Variants in ZNF660 observed in about 807,000 individuals in gnomAD.
The protein encoded by ZNF660 is zinc finger protein 660.
A neutral mutation model predicts 23.2 loss-of-function variants in ZNF660; 24 were observed. That is an observed-to-expected ratio of 1.04 (90% CI 0.75 to 1.46). The LOEUF (loss-of-function observed/expected upper bound fraction) is 1.46, where lower values mean the gene tolerates loss of function less well. ZNF660 is among the 40% of genes most tolerant of loss of function. ZNF660 has a pLI of 0.00. For synonymous variants in ZNF660, 117 were observed against 131.4 expected, an observed-to-expected ratio of 0.89 and a Z score of 0.75; for missense variants, 373 against 396.8, an observed-to-expected ratio of 0.94 and a Z score of 0.51.
rs1700632020 is a variant in ZNF660 at position 44,597,062 on chromosome 3, AAT to A, written c.*1876_*1877del. 1 of 152,184 alleles carries A rather than the reference AAT, an allele frequency of 6.6e-6. No individual in the cohort carries two copies. The highest frequency in any genetic ancestry group is 2.1e-4 in the South Asian group (1 of 4,828). 9.4% of individuals were successfully genotyped at this position (152,184 alleles called of 1,614,324 possible). ...AATTAGTGTTTGGGGAATTTTTGAT[AAT>A]ATGTTATTTAGTTCTCCCTCTATTA... On this transcript the variant is annotated 3_prime_UTR_variant, in exon 3 of 3. Transcript: ENST00000322734. The surrounding 1 kb of genome is among the most constrained non-coding windows in gnomAD (Gnocchi z 4.1).
Position 44,595,576 on chromosome 3 carries a change from A to G in ZNF660, c.*387A>G, listed in dbSNP as rs1273046893. The G allele has an allele frequency of 5.6e-6, 1 of 178,994 alleles. No homozygotes were observed. Among genetic ancestry groups the G allele is most frequent in the African/African-American group, 2.4e-5 (1 of 41,644 alleles). The allele number at this position is 178,994 out of a possible 1,614,324, so 11.1% of individuals were successfully genotyped here. A position where few individuals can be genotyped will look rare whatever the true frequency, so the allele number is the denominator to read the frequency against. On this transcript the variant is annotated 3_prime_UTR_variant, in exon 3 of 3. Coordinates refer to ENST00000322734, the MANE Select transcript of ZNF660 (RefSeq NM_173658.4). Reference sequence around the variant, plus strand: ...GAAGTAAACCAAAATGTTAACAGTGATCATCTCTGGGCGATAGGATTATAG... The same window carrying G: ...GAAGTAAACCAAAATGTTAACAGTGGTCATCTCTGGGCGATAGGATTATAG...
chr3:44,587,720 C>T (rs1000144545), intron 2 of ZNF660, among the ~76,000 whole-genome samples: 9 of 152,180 alleles, frequency 5.9e-5, no homozygotes, highest in Non-Finnish European at 1.3e-4. Flanking sequence ...TCTCTTTCTC[C>T]CTACCTGCCC....
chr3:44,589,551 AG>A (rs1369077699), intron 2 of ZNF660, among the ~76,000 whole-genome samples: 1 of 152,182 alleles, frequency 6.6e-6, no homozygotes, highest in Non-Finnish European at 1.5e-5. Flanking sequence ...TATGGGAACT[AG>A]GGGAAGTGCA....
intron 2 of ZNF660, among the ~76,000 whole-genome samples, chr3:44,590,637 G>C (rs1489036921): frequency 1.3e-5 from 2 of 152,192 alleles, no homozygotes; most frequent in Non-Finnish European, 2.9e-5. Flanking sequence ...GTTAGACCCA[G>C]AACAGGGATA....
At chr3:44,592,358 C>G (rs1373404091) in intron 2 of ZNF660, among the ~76,000 whole-genome samples, 3 of 152,158 alleles carry the variant, frequency 2.0e-5, no homozygotes, top group Non-Finnish European at 2.9e-5. Context: ...ATTTAATTGT[C>G]TAACAAAATA....
intron 2 of ZNF660, among the ~76,000 whole-genome samples, chr3:44,590,792 T>A (rs1700397199): frequency 6.6e-6 from 1 of 152,262 alleles, no homozygotes; most frequent in Admixed American, 6.5e-5. Flanking sequence ...TCACTTGCTC[T>A]ACTGCTCTGC....
At chr3:44,589,210 C>T (rs936317370) in intron 2 of ZNF660, among the ~76,000 whole-genome samples, 1 of 152,184 alleles carries the variant, frequency 6.6e-6, no homozygotes, top group Non-Finnish European at 1.5e-5. Flanking sequence ...TTTTAACCCC[C>T]TCTAATCCAT....
At chr3:44,593,477 G>C (rs1057066371) in intron 2 of ZNF660, among the ~76,000 whole-genome samples, 1 of 152,136 alleles carries the variant, frequency 6.6e-6, no homozygotes, top group Admixed American at 6.5e-5. Context: ...ACTTTGGGAG[G>C]CTGAGGCAGG....
In ZNF660 at chr3:44,588,012, G is replaced by A. The variant is rs889677374; in HGVS notation, c.-181+1799G>A. ...AGAGGTTGTAGTGAGCTGAGATCAC[G>A]CCATTGCACTCTAGCCTAGGCAACA... On this transcript the variant is annotated intron_variant, in intron 2 of 2. Coordinates refer to ENST00000322734, the MANE Select transcript of ZNF660 (RefSeq NM_173658.4). Among the ~76,000 whole-genome samples the A allele has an allele frequency of 2.4e-4, 36 of 152,162 alleles. 1 individual carries two copies. The highest frequency in any genetic ancestry group is 2.1e-4 in the South Asian group (1 of 4,826).
At chr3:44,586,070 G>A (rs1480090868) in intron 1 of ZNF660, 35 bp from the exon 2 acceptor site, 1 of 152,148 alleles carries the variant, frequency 6.6e-6, no homozygotes, top group Non-Finnish European at 1.5e-5. Context: ...GGAATTCAGG[G>A]CTCAGAGAAC....
chr3:44,594,791 G>A lies in ZNF660; in HGVS notation c.598G>A (p.Gly200Ser). 6.2e-7 allele frequency: 1 copy of A among 1,613,942 alleles called. No individual in the cohort carries two copies. Among genetic ancestry groups the A allele is most frequent in the Non-Finnish European group, 8.5e-7 (1 of 1,179,976 alleles). ...ATGTAAGGAGTGTGGGAAAACATGTGGTTCTAATACAAAGATTATGGACCA... is the reference window on the plus strand; with the variant it reads ...ATGTAAGGAGTGTGGGAAAACATGTAGTTCTAATACAAAGATTATGGACCA... ...YKCKECGKTC[G>S]SNTKIMDHQR... The change falls in exon 3 of 3, where the codon GGT becomes AGT. Residue 200 changes from glycine to serine, a missense_variant. Coordinates refer to ENST00000322734, the MANE Select transcript of ZNF660 (RefSeq NM_173658.4).
At chr3:44,592,300 TAAATG>T (rs1287171748) in intron 2 of ZNF660, among the ~76,000 whole-genome samples, 8 of 152,158 alleles carry the variant, frequency 5.3e-5, no homozygotes, top group Non-Finnish European at 1.0e-4. Context: ...AACTAAAAAA[TAAATG>T]AAATGAACTG....
intron 2 of ZNF660, among the ~76,000 whole-genome samples, chr3:44,593,660 A>G (rs1440657672): frequency 6.8e-6 from 1 of 146,828 alleles, no homozygotes; most frequent in Admixed American, 6.9e-5. Context: ...GGTTGCAGTG[A>G]GTCAAGATCG....
chr3:44,594,165 G>C lies in ZNF660; in HGVS notation c.-29G>C. 6.2e-7 allele frequency: 1 copy of C among 1,612,062 alleles called. No homozygotes were observed. Among genetic ancestry groups the C allele is most frequent in the Non-Finnish European group, 8.5e-7 (1 of 1,179,362 alleles). On this transcript the variant is annotated 5_prime_UTR_variant, in exon 3 of 3. Transcript: ENST00000322734. The stretch of plus-strand genomic sequence containing the variant: ...CTGAAGGGAAAGAGAAGACTAGAGA[G>C]GACACTGGTATGTTCCAAGCAGGAG...
intron 2 of ZNF660, among the ~76,000 whole-genome samples, chr3:44,590,325 G>A (rs141709105): frequency 3.9e-5 from 6 of 152,030 alleles, no homozygotes; most frequent in Non-Finnish European, 8.8e-5. Flanking sequence ...TTTGGTTTCT[G>A]GTAGGGGGCT....
In ZNF660 at chr3:44,595,032, G is replaced by C. The variant is rs763628889; in HGVS notation, c.839G>C (p.Gly280Ala). Residue 280 changes from glycine to alanine, a missense_variant, in exon 3 of 3, where the codon GGG (glycine) becomes GCG (alanine). Coordinates refer to ENST00000322734, the MANE Select transcript of ZNF660 (RefSeq NM_173658.4). ...GEKPYKCNEC[G>A]KTFRQTSQVI... ...AAACCCTATAAATGTAATGAATGTG[G>C]GAAAACCTTCAGGCAGACTTCTCAA... 1.2e-5 allele frequency: 19 copies of C among 1,613,778 alleles called. No homozygotes were observed. The Admixed American group carries it at 2.0e-4, about 17-fold the overall frequency.
At position 44,594,803 on chromosome 3, in the gene ZNF660, A is replaced by C; in HGVS notation, c.610A>C (p.Lys204Gln). ...TGGGAAAACATGTGGTTCTAATACAAAGATTATGGACCATCAGAGAATTCA... is the reference window on the plus strand; with the variant it reads ...TGGGAAAACATGTGGTTCTAATACACAGATTATGGACCATCAGAGAATTCA... ...ECGKTCGSNT[K>Q]IMDHQRIHTG... Residue 204 changes from lysine to glutamine, a missense_variant, in exon 3 of 3, where the codon AAG becomes CAG. Transcript: ENST00000322734. 5 of 1,614,168 alleles carry C rather than the reference A, an allele frequency of 3.1e-6. No homozygotes were observed. The highest frequency in any genetic ancestry group is 4.2e-6 in the Non-Finnish European group (5 of 1,180,032).
chr3:44,593,714 G>A (rs1015324825), intron 2 of ZNF660, among the ~76,000 whole-genome samples: 13 of 148,878 alleles, frequency 8.7e-5, no homozygotes, highest in Admixed American at 4.0e-4. Flanking sequence ...AAAAAGCAAC[G>A]AGTTAGATGG....
chr3:44,596,607 C>T lies in ZNF660; in HGVS notation c.*1418C>T, dbSNP rs1700617048. 1 of 152,160 alleles carries T rather than the reference C, an allele frequency of 6.6e-6. No homozygotes were observed. Among genetic ancestry groups the T allele is most frequent in the South Asian group, 2.1e-4 (1 of 4,824 alleles). The allele number at this position is 152,160 out of a possible 1,614,324, so 9.4% of individuals were successfully genotyped here. A position where few individuals can be genotyped will look rare whatever the true frequency, so the allele number is the denominator to read the frequency against. On this transcript the variant is annotated 3_prime_UTR_variant, in exon 3 of 3. Coordinates refer to ENST00000322734, the MANE Select transcript of ZNF660 (RefSeq NM_173658.4). ...GGTTTGGCAACTCAGCACTTCATCA[C>T]ACTTCTCTCTTAACTCCATAATTTT...
Sources: gnomAD v4.1 joint callset for allele counts (sites outside exome capture counted in the v4.1 genomes callset) on GRCh38, gnomAD v4.1.1 for gene constraint, Gnocchi (gnomAD v3.1) non-coding constraint, MANE v1.5 for transcripts, NCBI Gene and HGNC (gene_info 2026-07-23, HGNC 2026-07-21) for gene names.